NELL1: variants seen among roughly 807,000 people sequenced by gnomAD.
The protein encoded by NELL1 is protein kinase C-binding protein NELL1.
NELL1 carries 76 observed loss-of-function variants against 107.4 expected under a neutral mutation model. The observed-to-expected ratio is 0.71, with a 90% CI of 0.59 to 0.86. The LOEUF (loss-of-function observed/expected upper bound fraction) is 0.86. NELL1 is among the 40% of genes least tolerant of loss of function. NELL1 has a pLI of 0.00. For missense variants in NELL1, 1,024 were observed against 1,005.5 expected (o/e 1.02, Z -0.25); for synonymous variants, 353 against 341.2 (o/e 1.03, Z -0.38).
intron 1 of NELL1, chr11:20,674,544 GTC>G: frequency 6.5e-7 from 1 of 1,535,420 alleles, no homozygotes; most frequent in Non-Finnish European, 8.7e-7. Flanking sequence ...GAGTTCTGAA[GTC>G]TCTGCTTCAG....
intron 9 of NELL1, among the ~76,000 whole-genome samples, chr11:20,937,004 G>T (rs1459200064): frequency 1.3e-5 from 2 of 149,722 alleles, no homozygotes; most frequent in East Asian, 4.3e-4. Context: ...CCAGATACTT[G>T]CTTCTTTTTT....
At chr11:21,316,928 C>A (rs1469353791) in intron 14 of NELL1, among the ~76,000 whole-genome samples, 1 of 151,996 alleles carries the variant, frequency 6.6e-6, no homozygotes, top group Non-Finnish European at 1.5e-5. Context: ...GGAACACATA[C>A]ATTATTATCC....
At chr11:20,775,858 C>A (rs1355161434) in intron 2 of NELL1, among the ~76,000 whole-genome samples, 1 of 152,108 alleles carries the variant, frequency 6.6e-6, no homozygotes, top group Admixed American at 6.6e-5. Context: ...TCACAGGATG[C>A]CTTAGGTTTA....
At chr11:21,194,257 T>TTCTA in intron 13 of NELL1, among the ~76,000 whole-genome samples, 1 of 152,200 alleles carries the variant, frequency 6.6e-6, no homozygotes, top group African/African-American at 2.4e-5. Flanking sequence ...CACCTCCGGG[T>TTCTA]TCTAACACAG....
chr11:20,990,469 A>G (rs1851948561), intron 12 of NELL1, among the ~76,000 whole-genome samples: 1 of 152,238 alleles, frequency 6.6e-6, no homozygotes, highest in Admixed American at 6.5e-5. Flanking sequence ...ACATGCCAGT[A>G]CCAAGAGATT....
intron 14 of NELL1, among the ~76,000 whole-genome samples, chr11:21,366,203 G>A (rs1454813761): frequency 6.6e-6 from 1 of 152,088 alleles, no homozygotes; most frequent in Non-Finnish European, 1.5e-5. Context: ...AACTGAGCTG[G>A]CTTGATAAAA....
intron 14 of NELL1, among the ~76,000 whole-genome samples, chr11:21,331,264 C>T (rs1338841936): frequency 4.0e-5 from 6 of 151,896 alleles, no homozygotes; most frequent in Admixed American, 3.9e-4. Flanking sequence ...ATGAGTTATA[C>T]TTTCCTGTTT....
At chr11:20,759,587 C>T (rs570605182) in intron 2 of NELL1, among the ~76,000 whole-genome samples, 25 of 152,322 alleles carry the variant, frequency 1.6e-4, no homozygotes, top group African/African-American at 5.8e-4. Flanking sequence ...GGCATCTCAC[C>T]ACTCAGTCCG....
At chr11:20,924,402 A>G (rs1360463394) in intron 7 of NELL1, among the ~76,000 whole-genome samples, 1 of 152,212 alleles carries the variant, frequency 6.6e-6, no homozygotes, top group African/African-American at 2.4e-5. Context: ...GGCTACAAAT[A>G]TTAAAAATAA....
chr11:20,839,815 AC>A (rs1212090338), intron 3 of NELL1, among the ~76,000 whole-genome samples: 2 of 152,200 alleles, frequency 1.3e-5, no homozygotes, highest in African/African-American at 4.8e-5. Flanking sequence ...AATAAAGGAA[AC>A]AGAAGTTGAG....
At position 21,231,552 on chromosome 11, in the gene NELL1, G is replaced by A. The variant is rs369240028; in HGVS notation, c.1549+2098G>A. ...CATGCTAGTGCTATAAATCTGAGGA[G>A]CAACATAGGGATTTTAATGCACTTT... is the stretch of plus-strand genomic sequence containing the variant. On this transcript the variant is annotated intron_variant, in intron 14 of 19. Transcript: ENST00000357134. Among the ~76,000 whole-genome samples the A allele has an allele frequency of 6.6e-5, 10 of 152,260 alleles. No individual in the cohort carries two copies. The East Asian group carries it at 1.2e-3, about 18-fold the overall frequency.
At chr11:20,701,547 C>T (rs1854788180) in intron 2 of NELL1, among the ~76,000 whole-genome samples, 1 of 151,998 alleles carries the variant, frequency 6.6e-6, no homozygotes. Flanking sequence ...CTTTTGTTGC[C>T]ATTGCTTTTG....
At chr11:21,071,434 G>T (rs561720945) in intron 12 of NELL1, among the ~76,000 whole-genome samples, 1 of 152,100 alleles carries the variant, frequency 6.6e-6, no homozygotes. Flanking sequence ...AATAATGGTA[G>T]TTGTTGTATC....
chr11:21,238,649 T>C (rs947168121), intron 14 of NELL1, among the ~76,000 whole-genome samples: 2 of 152,028 alleles, frequency 1.3e-5, no homozygotes, highest in African/African-American at 2.4e-5. Context: ...TCACCCTCTT[T>C]TTCTGAGGTT....
intron 15 of NELL1, among the ~76,000 whole-genome samples, chr11:21,386,244 C>T (rs1042172601): frequency 6.6e-6 from 1 of 151,044 alleles, no homozygotes. Context: ...CAGAGTGTCT[C>T]CAAACTGAAA....
At chr11:20,989,413 C>T (rs1407725129) in intron 12 of NELL1, among the ~76,000 whole-genome samples, 1 of 152,172 alleles carries the variant, frequency 6.6e-6, no homozygotes. Context: ...ACATAAAAGG[C>T]CAGGGTATTG....
At chr11:21,506,553 C>T (rs1295396333) in intron 15 of NELL1, among the ~76,000 whole-genome samples, 1 of 152,176 alleles carries the variant, frequency 6.6e-6, no homozygotes, top group East Asian at 1.9e-4. Flanking sequence ...TGACTTGGGG[C>T]TTCAGTTTCC....
chr11:21,482,750 TAAAAAAA>T (rs545059568), intron 15 of NELL1, among the ~76,000 whole-genome samples: 27 of 137,770 alleles, frequency 2.0e-4, no homozygotes, highest in African/African-American at 6.4e-4. Context: ...CTGGAGAGCT[TAAAAAAA>T]AAAAAAAGAA....
chr11:21,291,464 T>C (rs539347957), intron 14 of NELL1, among the ~76,000 whole-genome samples: 2 of 152,192 alleles, frequency 1.3e-5, no homozygotes, highest in South Asian at 2.1e-4. Context: ...CAAGACTAGA[T>C]AGATTCACAG....
Sources: allele counts gnomAD v4.1 joint callset (sites outside exome capture counted in the v4.1 genomes callset), GRCh38; gene constraint gnomAD v4.1.1; transcripts MANE v1.5; gene names NCBI Gene and HGNC (gene_info 2026-07-23, HGNC 2026-07-21).